OPCML: variants seen among roughly 807,000 people sequenced by gnomAD.
The protein encoded by OPCML is opioid binding protein/cell adhesion molecule like, also known as opioid-binding protein/cell adhesion molecule.
OPCML carries 13 observed loss-of-function variants against 37.8 expected under a neutral mutation model. That is an observed-to-expected ratio of 0.34 (90% confidence interval 0.22 to 0.55). The LOEUF (loss-of-function observed/expected upper bound fraction) is 0.55, where lower values mean the gene tolerates loss of function less well. OPCML is among the 20% of genes least tolerant of loss of function. OPCML has a pLI of 0.91. For synonymous variants in OPCML, 176 were observed against 168.8 expected, an observed-to-expected ratio of 1.04 and a Z score of -0.33; for missense variants, 341 against 435.6, an observed-to-expected ratio of 0.78 and a Z score of 1.93.
intron 7 of OPCML, among the ~76,000 whole-genome samples, chr11:132,427,012 C>A (rs1052203159): frequency 9.9e-5 from 15 of 152,116 alleles, no homozygotes; most frequent in Non-Finnish European, 1.9e-4. Context: ...ATATAACAAG[C>A]CATGAAGGTA....
chr11:132,533,059 A>G (rs1325161933), intron 3 of OPCML, among the ~76,000 whole-genome samples: 1 of 152,226 alleles, frequency 6.6e-6, no homozygotes, highest in Non-Finnish European at 1.5e-5. Context: ...ACACATAAAC[A>G]TTAAGAAATG....
At chr11:133,054,036 G>A (rs1011576293) in intron 1 of OPCML, among the ~76,000 whole-genome samples, 5 of 152,280 alleles carry the variant, frequency 3.3e-5, no homozygotes, top group Admixed American at 2.0e-4. Context: ...TAAAACCCTA[G>A]ATGTCATCTT....
At chr11:132,971,753 C>T (rs577612175) in intron 1 of OPCML, among the ~76,000 whole-genome samples, 1 of 152,190 alleles carries the variant, frequency 6.6e-6, no homozygotes, top group East Asian at 1.9e-4. Context: ...TGTCACCTTT[C>T]CCACCCTCTT....
At chr11:133,278,967 A>AG (rs1044567384) in intron 1 of OPCML, among the ~76,000 whole-genome samples, 60 of 152,200 alleles carry the variant, frequency 3.9e-4, no homozygotes, top group African/African-American at 1.3e-3. Flanking sequence ...TTACATCCCG[A>AG]GCATGTTCAA....
intron 1 of OPCML, among the ~76,000 whole-genome samples, chr11:132,952,446 G>T (rs1945881006): frequency 1.3e-5 from 2 of 152,190 alleles, no homozygotes; most frequent in African/African-American, 4.8e-5. Context: ...GGAAATCCAT[G>T]TGGAACCTCG....
intron 3 of OPCML, among the ~76,000 whole-genome samples, chr11:132,637,534 G>T (rs1457054197): frequency 4.6e-5 from 7 of 152,234 alleles, no homozygotes. Context: ...GACATTTGCT[G>T]CCAGCTATCT....
At position 132,437,215 on chromosome 11, in the gene OPCML, C is replaced by T. The variant is rs764436396; in HGVS notation, c.643+7G>A. On this transcript the variant is annotated splice_region_variant and intron_variant, in intron 5 of 7. Transcript: ENST00000524381. The stretch of plus-strand genomic sequence containing the variant: ...CCCCAGAACCCCCTGGCTGCAGGTC[C>T]ACTCACAGTTTACAGTGATTTTTAC... The T allele has an allele frequency of 7.4e-6, 12 of 1,611,460 alleles. No individual in the cohort carries two copies. Among genetic ancestry groups the T allele is most frequent in the African/African-American group, 5.3e-5 (4 of 74,866 alleles).
intron 1 of OPCML, among the ~76,000 whole-genome samples, chr11:133,187,402 A>G (rs1029675304): frequency 5.9e-5 from 9 of 152,100 alleles, no homozygotes; most frequent in Non-Finnish European, 1.2e-4. Context: ...TCTGCAGTGC[A>G]TTGGTTTCAG....
intron 1 of OPCML, among the ~76,000 whole-genome samples, chr11:133,266,611 A>G (rs1264657673): frequency 3.9e-5 from 6 of 152,190 alleles, no homozygotes; most frequent in African/African-American, 1.4e-4. Context: ...ACTATCTGGC[A>G]TGTATTAGGA....
At chr11:133,271,113 G>A (rs1053937171) in intron 1 of OPCML, among the ~76,000 whole-genome samples, 9 of 152,194 alleles carry the variant, frequency 5.9e-5, no homozygotes, top group African/African-American at 2.2e-4. Context: ...TTTACTTGAT[G>A]TGTGACTTCT....
intron 1 of OPCML, chr11:133,421,777 A>C: frequency 1.0e-6 from 1 of 985,388 alleles, no homozygotes; most frequent in Non-Finnish European, 1.2e-6. Flanking sequence ...AATGCTCTGG[A>C]TATCAATTGC....
intron 1 of OPCML, among the ~76,000 whole-genome samples, chr11:133,510,130 C>A (rs907964473): frequency 2.0e-5 from 3 of 152,190 alleles, no homozygotes; most frequent in Admixed American, 6.5e-5. Flanking sequence ...AGGGAGTGCA[C>A]TTCCTGACAC....
At chr11:132,938,051 G>C (rs1945450740) in intron 2 of OPCML, among the ~76,000 whole-genome samples, 1 of 151,890 alleles carries the variant, frequency 6.6e-6, no homozygotes, top group Non-Finnish European at 1.5e-5. Context: ...TGCTGTGCCT[G>C]AATATCCCAG....
chr11:132,922,169 C>T (rs1430835801), intron 2 of OPCML, among the ~76,000 whole-genome samples: 1 of 152,060 alleles, frequency 6.6e-6, no homozygotes, highest in Non-Finnish European at 1.5e-5. Context: ...TGAGCCACTA[C>T]CCCCGGCCAA....
chr11:133,201,442 C>T (rs1230217967), intron 1 of OPCML, among the ~76,000 whole-genome samples: 1 of 151,976 alleles, frequency 6.6e-6, no homozygotes, highest in Non-Finnish European at 1.5e-5. Context: ...TCAAGATGGT[C>T]AAACGTTTTG....
intron 3 of OPCML, among the ~76,000 whole-genome samples, chr11:132,654,664 C>A (rs1383523336): frequency 6.6e-6 from 1 of 151,968 alleles, no homozygotes; most frequent in Non-Finnish European, 1.5e-5. Flanking sequence ...AGATCTTCCC[C>A]AAGAGAATGT....
intron 1 of OPCML, among the ~76,000 whole-genome samples, chr11:133,269,224 A>T (rs1381291344): frequency 6.6e-6 from 1 of 152,216 alleles, no homozygotes; most frequent in East Asian, 1.9e-4. Flanking sequence ...CATTTTAAAT[A>T]ATACCACCAA....
At chr11:133,253,588 C>T (rs747402347) in intron 1 of OPCML, among the ~76,000 whole-genome samples, 19 of 152,244 alleles carry the variant, frequency 1.2e-4, no homozygotes, top group Non-Finnish European at 2.6e-4. Flanking sequence ...GGGATTATAG[C>T]GTGAGCCAAC....
At chr11:132,924,359 T>C (rs1017711179) in intron 2 of OPCML, among the ~76,000 whole-genome samples, 2 of 152,068 alleles carry the variant, frequency 1.3e-5, no homozygotes, top group African/African-American at 4.8e-5. Flanking sequence ...CAGACTGGAC[T>C]CAAATTCCTG....
Sources: allele counts gnomAD v4.1 joint callset (sites outside exome capture counted in the v4.1 genomes callset), GRCh38; gene constraint gnomAD v4.1.1; transcripts MANE v1.5; gene names NCBI Gene and HGNC (gene_info 2026-07-23, HGNC 2026-07-21).